Variants in ZFR2 observed in about 807,000 individuals in gnomAD.
ZFR2 encodes zinc finger RNA-binding protein 2.
ZFR2 carries 104 observed loss-of-function variants against 105.7 expected under a neutral mutation model. That is an observed-to-expected ratio of 0.98 (90% CI 0.84 to 1.16). ZFR2 has a LOEUF of 1.16. ZFR2 is among the 50% of genes most tolerant of loss of function. The pLI is 0.00. For missense variants in ZFR2, 1,425 were observed against 1,355.5 expected, an observed-to-expected ratio of 1.05 and a Z score of -0.80; for synonymous variants, 634 against 597.7, an observed-to-expected ratio of 1.06 and a Z score of -0.89.
At position 3,811,163 on chromosome 19, in the gene ZFR2, C is replaced by T. The variant is rs983819357; in HGVS notation, c.2337+109G>A. The T allele has an allele frequency of 3.4e-4, 378 of 1,112,398 alleles. 1 individual carries two copies. Among genetic ancestry groups the T allele is most frequent in the Non-Finnish European group, 4.4e-4 (354 of 806,450 alleles). The allele number at this position is 1,112,398 out of a possible 1,614,324, so 68.9% of individuals were successfully genotyped here. On this transcript the variant is annotated intron_variant, in intron 15 of 18. Transcript: ENST00000262961. The stretch of plus-strand genomic sequence containing the variant: ...AGCTGATGGCAGGCGTCCCGGTCTG[C>T]GCTGGGAGCCCACGGGGCTGAGGCG...
chr19:3,866,149 C>T (rs1052007267), intron 1 of ZFR2, among the ~76,000 whole-genome samples: 4 of 152,098 alleles, frequency 2.6e-5, no homozygotes, highest in East Asian at 1.9e-4. Flanking sequence ...CCAAAACATA[C>T]GTACTTTAAA....
chr19:3,830,972 TGC>T (rs1491091636), intron 5 of ZFR2, among the ~76,000 whole-genome samples: 1 of 143,332 alleles, frequency 7.0e-6, no homozygotes, highest in African/African-American at 2.5e-5. Context: ...CGCACACACA[TGC>T]ACACACATAC....
In ZFR2 at chr19:3,813,854, T is replaced by C. The variant is rs767720116; in HGVS notation, c.2208A>G (p.Ser736=). Residue 736 remains serine (S), a synonymous_variant, in exon 14 of 19, where the codon TCA becomes TCG. Transcript: ENST00000262961. The surrounding 1 kb of genome is among the most constrained non-coding windows in gnomAD (Gnocchi z 4.4). ...PRMQVTISVT[S]PLMREDPSTD... ...TGGAGGGGTCCTCCCGCATCAGAGGTGAGGTGACAGATATGGTGACCTGCA... is the reference window on the plus strand; with the variant it reads ...TGGAGGGGTCCTCCCGCATCAGAGGCGAGGTGACAGATATGGTGACCTGCA... 6 of 1,613,630 alleles carry C rather than the reference T, an allele frequency of 3.7e-6. No homozygotes were observed. The South Asian group carries it at 6.6e-5, about 18-fold the overall frequency.
At chr19:3,831,024 C>T (rs568638926) in intron 5 of ZFR2, among the ~76,000 whole-genome samples, 23 of 151,626 alleles carry the variant, frequency 1.5e-4, no homozygotes, top group Non-Finnish European at 2.4e-4. Flanking sequence ...GGCACACATG[C>T]GCACACATAC....
Position 3,823,669 on chromosome 19 carries a change from G to A in ZFR2, c.1214-266C>T, listed in dbSNP as rs1172227513. ...TAGGCCCTCGCTTGAGGAACCCACC[G>A]ACAGCACAAAATCCACAGTTAATAG... On this transcript the variant is annotated intron_variant, in intron 7 of 18. Coordinates refer to ENST00000262961, the MANE Select transcript of ZFR2 (RefSeq NM_015174.2). The surrounding 1 kb of genome is among the most constrained non-coding windows in gnomAD (Gnocchi z 5.4). 1.3e-5 allele frequency among the ~76,000 whole-genome samples: 2 copies of A among 152,146 alleles called. No homozygotes were observed. Among genetic ancestry groups the A allele is most frequent in the Non-Finnish European group, 1.5e-5 (1 of 68,030 alleles).
At chr19:3,845,067 C>T (rs181968882) in intron 1 of ZFR2, among the ~76,000 whole-genome samples, 3 of 152,242 alleles carry the variant, frequency 2.0e-5, no homozygotes, top group East Asian at 1.9e-4. Context: ...TCAGCAGGGC[C>T]GGTCCCTCTG....
intron 1 of ZFR2, among the ~76,000 whole-genome samples, chr19:3,854,710 T>C (rs1478727099): frequency 6.6e-6 from 1 of 152,198 alleles, no homozygotes; most frequent in Non-Finnish European, 1.5e-5. Flanking sequence ...TTTACATTCT[T>C]GCAGAGAAAA....
intron 10 of ZFR2, among the ~76,000 whole-genome samples, chr19:3,820,729 G>C (rs1033089444): frequency 7.0e-6 from 1 of 143,500 alleles, no homozygotes; most frequent in African/African-American, 2.6e-5. Context: ...AGGGGACACA[G>C]GGTCATCAGG....
intron 1 of ZFR2, among the ~76,000 whole-genome samples, chr19:3,844,301 G>A (rs1343715043): frequency 2.6e-5 from 4 of 151,750 alleles, no homozygotes; most frequent in African/African-American, 9.7e-5. Flanking sequence ...AATGTTAATA[G>A]AAATTTCTGA....
Position 3,838,842 on chromosome 19 carries a change from G to A in ZFR2, c.54-3859C>T, listed in dbSNP as rs902195337. The stretch of plus-strand genomic sequence containing the variant: ...CACAGGCCGTCTCCTCCCTGGTCCC[G>A]ATGCCCTGAGATGCAGGACCAGCTG... On this transcript the variant is annotated intron_variant, in intron 1 of 18. Coordinates refer to ENST00000262961, the MANE Select transcript of ZFR2 (RefSeq NM_015174.2). The surrounding 1 kb of genome is among the most constrained non-coding windows in gnomAD (Gnocchi z 4.9). Among the ~76,000 whole-genome samples the A allele has an allele frequency of 2.4e-4, 36 of 152,220 alleles. No homozygotes were observed. The highest frequency in any genetic ancestry group is 7.0e-4 in the African/African-American group (29 of 41,538).
In ZFR2 at chr19:3,805,693, T is replaced by TG. The variant is rs1199494621; in HGVS notation, c.*255dup. 2 of 412,642 alleles carry TG rather than the reference T, an allele frequency of 4.8e-6. No homozygotes were observed. The highest frequency in any genetic ancestry group is 3.8e-5 in the East Asian group (1 of 26,214). 25.6% of individuals were successfully genotyped at this position (412,642 alleles called of 1,614,324 possible). A position where few individuals can be genotyped will look rare whatever the true frequency, so the allele number is the denominator to read the frequency against. On this transcript the variant is annotated 3_prime_UTR_variant, in exon 19 of 19. Transcript: ENST00000262961. The stretch of plus-strand genomic sequence containing the variant: ...GATTTTTAAAAATATTTTGGAGAGA[T>TG]GGGGGTCTCACTCTGTTGTCTGGGC...
Position 3,827,487 on chromosome 19 carries a change from C to A in ZFR2, c.1019G>T (p.Gly340Val), listed in dbSNP as rs765312990. Residue 340 changes from glycine to valine, a missense_variant, in exon 6 of 19, where the codon GGA becomes GTA. Physicochemically the swap from Gly to Val is moderately radical, Grantham distance 109. Coordinates refer to ENST00000262961, the MANE Select transcript of ZFR2 (RefSeq NM_015174.2). ...GADAYAAHIRGSKHQKVFKLH... is the reference protein window; with the variant it reads ...GADAYAAHIRVSKHQKVFKLH... ...GGGCCGTACCTTCTGGTGCTTGGAT[C>A]CCCGGATGTGGGCCGCGTAGGCGTC... 1 of 1,550,328 alleles carries A rather than the reference C, an allele frequency of 6.5e-7. No homozygotes were observed. Among genetic ancestry groups the A allele is most frequent in the South Asian group, 1.2e-5 (1 of 84,206 alleles).
intron 14 of ZFR2, among the ~76,000 whole-genome samples, chr19:3,811,862 G>A (rs977892493): frequency 4.6e-5 from 7 of 152,174 alleles, no homozygotes; most frequent in Admixed American, 2.0e-4. Context: ...CTGGGCTCAC[G>A]TGATCCTCCT....
intron 1 of ZFR2, among the ~76,000 whole-genome samples, chr19:3,850,712 T>G (rs953857196): frequency 8.1e-6 from 1 of 123,822 alleles, no homozygotes; most frequent in Non-Finnish European, 1.6e-5. Flanking sequence ...TGGGATCCCA[T>G]CTCTACAGAA....
At chr19:3,819,011 G>A in intron 12 of ZFR2, 34 bp downstream of exon 12, 2 of 1,600,758 alleles carry the variant, frequency 1.2e-6, no homozygotes, top group East Asian at 4.5e-5. Context: ...TCCTGGCTGA[G>A]AGCCGGGCCC....
chr19:3,831,479 G>T lies in ZFR2; in HGVS notation c.676C>A (p.Pro226Thr), dbSNP rs747794624. 3.4e-5 allele frequency: 53 copies of T among 1,549,914 alleles called. No homozygotes were observed. The highest frequency in any genetic ancestry group is 4.4e-5 in the Non-Finnish European group (50 of 1,147,248). The change falls in exon 5 of 19, where the codon CCC becomes ACC. Residue 226 changes from proline (P) to threonine (T), a missense_variant. Transcript: ENST00000262961. ...PFYPPAQPPP[P>T]PGPPQQLPPP... ...GGCAGCTGCTGCGGGGGTCCCGGGG[G>T]AGGCGGGGGCTGCGCTGGAGGATAG...
chr19:3,821,548 G>A lies in ZFR2; in HGVS notation c.1492-69C>T, dbSNP rs540979196. On this transcript the variant is annotated intron_variant, in intron 9 of 18. Transcript: ENST00000262961. ...AGACAGGGATGCCAGGAGGATCTTG[G>A]GGTGCAGGGAGAGGCCCAGAGACTA... 3 of 1,464,302 alleles carry A rather than the reference G, an allele frequency of 2.0e-6. No individual in the cohort carries two copies. In the South Asian group the frequency reaches 4.3e-5, roughly 21 times the overall value. The allele number at this position is 1,464,302 out of a possible 1,614,324, so 90.7% of individuals were successfully genotyped here. A position where few individuals can be genotyped will look rare whatever the true frequency, so the allele number is the denominator to read the frequency against.
At chr19:3,868,519 C>T (rs1408249596) in intron 1 of ZFR2, among the ~76,000 whole-genome samples, 1 of 151,818 alleles carries the variant, frequency 6.6e-6, no homozygotes, top group African/African-American at 2.4e-5. Flanking sequence ...CGGCCAGGCA[C>T]CTCCCAGGTC....
intron 1 of ZFR2, chr19:3,855,296 G>T: frequency 9.8e-7 from 1 of 1,022,068 alleles, no homozygotes; most frequent in Non-Finnish European, 1.3e-6. Flanking sequence ...GCCATCTTCT[G>T]GCTAAGCTGA....
Sources: allele counts gnomAD v4.1 joint callset (sites outside exome capture counted in the v4.1 genomes callset), GRCh38; gene constraint gnomAD v4.1.1; non-coding constraint Gnocchi (gnomAD v3.1); transcripts MANE v1.5; gene names NCBI Gene and HGNC (gene_info 2026-07-23, HGNC 2026-07-21).